GRAMD1B: variants seen among roughly 807,000 people sequenced by gnomAD.
The protein encoded by GRAMD1B is GRAM domain containing 1B.
GRAMD1B carries 37 observed loss-of-function variants against 99.7 expected under a neutral mutation model. That is an observed-to-expected ratio of 0.37 (90% CI 0.29 to 0.49). The LOEUF is 0.49. GRAMD1B is among the 20% of genes least tolerant of loss of function. The probability of loss-of-function intolerance (pLI) is 0.98; values close to 1 mark genes in which losing one functional copy is unlikely to be tolerated. For synonymous variants in GRAMD1B, 427 were observed against 387.6 expected (o/e 1.10, Z -1.19); for missense variants, 888 against 1,009.2 (o/e 0.88, Z 1.63).
chr11:123,548,351 T>C (rs12788478), intron 2 of GRAMD1B, among the ~76,000 whole-genome samples: 31,867 of 113,874 alleles, frequency 0.28, 4,410 homozygotes, highest in Admixed American at 0.36. Flanking sequence ...CACACACACA[T>C]ATATATATAT....
chr11:123,440,949 T>C (rs993013950), intron 1 of GRAMD1B, among the ~76,000 whole-genome samples: 2 of 152,196 alleles, frequency 1.3e-5, no homozygotes, highest in African/African-American at 4.8e-5. Flanking sequence ...TCTGATAGTT[T>C]TAAAAATGGG....
At chr11:123,444,266 ATAT>A (rs1347298694) in intron 1 of GRAMD1B, among the ~76,000 whole-genome samples, 1 of 152,116 alleles carries the variant, frequency 6.6e-6, no homozygotes, top group Non-Finnish European at 1.5e-5. Context: ...CTTTATCGTA[ATAT>A]TATGCTAGAG....
intron 4 of GRAMD1B, among the ~76,000 whole-genome samples, chr11:123,593,089 G>A (rs547178702): frequency 6.6e-5 from 10 of 152,046 alleles, no homozygotes; most frequent in African/African-American, 1.9e-4. Context: ...AAAATTAGCC[G>A]GGAGAGGTGG....
chr11:123,467,773 G>T (rs1950764240), intron 1 of GRAMD1B, among the ~76,000 whole-genome samples: 1 of 151,802 alleles, frequency 6.6e-6, no homozygotes, highest in South Asian at 2.1e-4. Context: ...ATCCAGCACG[G>T]CCTAGCAGGG....
chr11:123,582,055 G>A (rs539180073), intron 3 of GRAMD1B, among the ~76,000 whole-genome samples: 8 of 152,378 alleles, frequency 5.3e-5, no homozygotes, highest in East Asian at 1.9e-4. Flanking sequence ...TGGTTTCTCC[G>A]TTGTAAAGCA....
At chr11:123,608,963 C>T (rs944483220) in intron 12 of GRAMD1B, among the ~76,000 whole-genome samples, 161 bp downstream of exon 12, 7 of 152,064 alleles carry the variant, frequency 4.6e-5, no homozygotes, top group Non-Finnish European at 1.0e-4. Context: ...TTCTGTGGTT[C>T]GGGAGCTCCT....
chr11:123,529,335 T>G (rs1377184575), intron 2 of GRAMD1B, among the ~76,000 whole-genome samples: 1 of 152,226 alleles, frequency 6.6e-6, no homozygotes, highest in Non-Finnish European at 1.5e-5. Context: ...AAGTAAAGGC[T>G]GTACTTCACA....
chr11:123,614,745 G>T lies in GRAMD1B; in HGVS notation c.2228G>T (p.Gly743Val), dbSNP rs377530501. 2 of 1,603,250 alleles carry T rather than the reference G, an allele frequency of 1.2e-6. No homozygotes were observed. Among genetic ancestry groups the T allele is most frequent in the Non-Finnish European group, 8.5e-7 (1 of 1,170,318 alleles). The change falls in exon 17 of 20, where the codon GGT (glycine) becomes GTT (valine). Residue 743 changes from glycine to valine, a missense_variant and splice_region_variant. Gly to Val is a moderately radical substitution (Grantham distance 109). This residue lies in a region of GRAMD1B where 232 missense variants were observed against 261.7 expected (regional missense o/e 0.89). Transcript: ENST00000635736. Reference sequence around the variant, plus strand: ...ATGGTCTCTTTAATTCTCCCCACAGGTTCCACACAGACGCGGCATATCCCG... The same window carrying T: ...ATGGTCTCTTTAATTCTCCCCACAGTTTCCACACAGACGCGGCATATCCCG... Reference protein sequence around the residue: ...DVGHRIKHVAGSTQTRHIPED... With the variant: ...DVGHRIKHVAVSTQTRHIPED...
At chr11:123,555,605 T>G (rs1946107326) in intron 2 of GRAMD1B, among the ~76,000 whole-genome samples, 1 of 152,086 alleles carries the variant, frequency 6.6e-6, no homozygotes, top group African/African-American at 2.4e-5. Context: ...TGCCTCAGCC[T>G]TCCAAAGTGC....
At chr11:123,436,789 C>T (rs79776502) in intron 1 of GRAMD1B, among the ~76,000 whole-genome samples, 1 of 152,094 alleles carries the variant, frequency 6.6e-6, no homozygotes, top group South Asian at 2.1e-4. Flanking sequence ...TTTTAGGGTA[C>T]ATGTGCACAA....
chr11:123,560,158 G>A (rs918267384), intron 2 of GRAMD1B: 1 of 996,780 alleles, frequency 1.0e-6, no homozygotes, highest in Non-Finnish European at 1.2e-6. Context: ...GTTGCATTAT[G>A]TAAACCGGCA....
intron 2 of GRAMD1B, among the ~76,000 whole-genome samples, chr11:123,577,018 C>A (rs762946424): frequency 1.3e-5 from 2 of 152,212 alleles, no homozygotes; most frequent in South Asian, 2.1e-4. Context: ...CTCCAGTGAG[C>A]CTTTCAGGTA....
intron 2 of GRAMD1B, among the ~76,000 whole-genome samples, chr11:123,537,731 A>G (rs1944110949): frequency 6.6e-6 from 1 of 152,230 alleles, no homozygotes; most frequent in African/African-American, 2.4e-5. Flanking sequence ...ATAGGAGCCA[A>G]CCATTACCAT....
chr11:123,414,422 T>C (rs1230998229), intron 1 of GRAMD1B, among the ~76,000 whole-genome samples: 2 of 152,228 alleles, frequency 1.3e-5, no homozygotes, highest in South Asian at 2.1e-4. Flanking sequence ...CCAGGGACAG[T>C]GTTACGTACT....
At chr11:123,381,798 G>T (rs751369531) in intron 1 of GRAMD1B, among the ~76,000 whole-genome samples, 13 of 152,152 alleles carry the variant, frequency 8.5e-5, no homozygotes, top group Non-Finnish European at 1.3e-4. Context: ...GCAAACTACT[G>T]ATTTGTTGTA....
chr11:123,501,586 T>C (rs766866059), intron 2 of GRAMD1B, among the ~76,000 whole-genome samples: 4 of 152,174 alleles, frequency 2.6e-5, no homozygotes, highest in Non-Finnish European at 5.9e-5. Flanking sequence ...CATGGATCTT[T>C]TTTTCTAACT....
chr11:123,412,886 A>T (rs577386770), intron 1 of GRAMD1B, among the ~76,000 whole-genome samples: 1 of 152,100 alleles, frequency 6.6e-6, no homozygotes, highest in African/African-American at 2.4e-5. Flanking sequence ...GGTTCAAGTG[A>T]TTCTCCTGTC....
chr11:123,595,414 C>T (rs1341620190), intron 6 of GRAMD1B, among the ~76,000 whole-genome samples: 1 of 152,116 alleles, frequency 6.6e-6, no homozygotes, highest in East Asian at 1.9e-4. Context: ...CTGCCTCAGC[C>T]TCCCGAGTAG....
rs138903293 is a variant in GRAMD1B, at chr11:123,487,424, G to A, written c.452+6531G>A. 9.2e-3 allele frequency among the ~76,000 whole-genome samples: 1,394 copies of A among 152,204 alleles called. 10 individuals carry two copies. Among genetic ancestry groups the A allele is most frequent in the Non-Finnish European group, 0.013 (883 of 67,996 alleles). ...AGGCGGGAGAAAGCAAGGCATGTTC[G>A]GGAACCACAAATACTTCAGTGTTGC... On this transcript the variant is annotated intron_variant, in intron 2 of 19. Coordinates refer to ENST00000635736, the MANE Select transcript of GRAMD1B (RefSeq NM_001387025.1).
Sources: allele counts gnomAD v4.1 joint callset (sites outside exome capture counted in the v4.1 genomes callset), GRCh38; gene constraint gnomAD v4.1.1; regional missense constraint gnomAD v4.1.1; transcripts MANE v1.5; gene names NCBI Gene and HGNC (gene_info 2026-07-23, HGNC 2026-07-21).